Variants in ADAMTSL3 observed in about 807,000 individuals in gnomAD.
ADAMTSL3 encodes ADAMTS like 3.
In ADAMTSL3, 128 loss-of-function variants were observed where a neutral mutation model predicts 201.7. The ratio of observed to expected loss-of-function variants is 0.63; its 90% CI spans 0.55 to 0.73. The LOEUF (loss-of-function observed/expected upper bound fraction) is 0.73. ADAMTSL3 is among the 30% of genes least tolerant of loss of function. The pLI is 0.00. For missense variants in ADAMTSL3, 1,990 were observed against 2,119.6 expected, an observed-to-expected ratio of 0.94 and a Z score of 1.20; for synonymous variants, 738 against 748.4, an observed-to-expected ratio of 0.99 and a Z score of 0.23.
chr15:83,889,362 C>G (rs1457058252), intron 10 of ADAMTSL3, among the ~76,000 whole-genome samples: 1 of 152,090 alleles, frequency 6.6e-6, no homozygotes, highest in African/African-American at 2.4e-5. Context: ...AAATGCGGTA[C>G]TGTGTATGCA....
intron 16 of ADAMTSL3, among the ~76,000 whole-genome samples, chr15:83,922,909 A>G (rs1026030346): frequency 2.1e-4 from 32 of 152,154 alleles, no homozygotes; most frequent in Non-Finnish European, 2.9e-5. Context: ...TAACATAGTC[A>G]GTTGCTATTA....
In ADAMTSL3 at chr15:84,038,753, G is replaced by A. The variant is rs915737141; in HGVS notation, c.*947G>A. ...TTATAGTAAATAATTGTTTTGGGCT[G>A]ATTTTTCAGTAAATCCAAAGTGACT... On this transcript the variant is annotated 3_prime_UTR_variant, in exon 30 of 30. Coordinates refer to ENST00000286744, the MANE Select transcript of ADAMTSL3 (RefSeq NM_207517.3). The A allele has an allele frequency of 7.2e-5, 11 of 152,322 alleles. No homozygotes were observed. The highest frequency in any genetic ancestry group is 1.5e-5 in the Non-Finnish European group (1 of 68,032). The allele number at this position is 152,322 out of a possible 1,614,324, so 9.4% of individuals were successfully genotyped here. A position where few individuals can be genotyped will look rare whatever the true frequency, so the allele number is the denominator to read the frequency against.
At chr15:83,759,211 T>C (rs2141697846) in intron 3 of ADAMTSL3, among the ~76,000 whole-genome samples, 1 of 151,864 alleles carries the variant, frequency 6.6e-6, no homozygotes, top group Admixed American at 6.6e-5. Context: ...TGTTAATACT[T>C]TATCATTTTT....
intron 8 of ADAMTSL3, 60 bp downstream of exon 8, chr15:83,858,900 AAC>A: frequency 1.4e-6 from 2 of 1,382,238 alleles, no homozygotes; most frequent in South Asian, 2.5e-5. Flanking sequence ...AGCCAAAAAA[AAC>A]AAAAAACAAA....
chr15:83,854,155 A>G (rs1357988808), intron 7 of ADAMTSL3, among the ~76,000 whole-genome samples: 1 of 152,124 alleles, frequency 6.6e-6, no homozygotes, highest in Non-Finnish European at 1.5e-5. Flanking sequence ...TTCTCCTTTT[A>G]TAGTTGTTTT....
At chr15:83,852,997 C>T (rs2064652341) in intron 7 of ADAMTSL3, among the ~76,000 whole-genome samples, 1 of 152,112 alleles carries the variant, frequency 6.6e-6, no homozygotes, top group Non-Finnish European at 1.5e-5. Flanking sequence ...GCTGGGATTA[C>T]AGGCACCCAC....
intron 23 of ADAMTSL3, among the ~76,000 whole-genome samples, chr15:83,992,971 C>T (rs1474544025): frequency 6.6e-6 from 1 of 152,202 alleles, no homozygotes; most frequent in Non-Finnish European, 1.5e-5. Flanking sequence ...TCCCATTTGG[C>T]CTTTCTTTAT....
intron 4 of ADAMTSL3, among the ~76,000 whole-genome samples, chr15:83,800,922 A>G (rs1185433057): frequency 6.6e-6 from 1 of 152,210 alleles, no homozygotes; most frequent in Non-Finnish European, 1.5e-5. Context: ...CGTAAAAAGC[A>G]AAATGAAGTA....
chr15:84,020,801 C>G (rs138779416), intron 25 of ADAMTSL3, among the ~76,000 whole-genome samples: 17 of 152,248 alleles, frequency 1.1e-4, no homozygotes, highest in African/African-American at 3.1e-4. Context: ...TGGAGGTGGT[C>G]GGCTTCTACT....
At chr15:83,922,408 T>A (rs1242537925) in intron 16 of ADAMTSL3, among the ~76,000 whole-genome samples, 1 of 152,144 alleles carries the variant, frequency 6.6e-6, no homozygotes, top group Non-Finnish European at 1.5e-5. Flanking sequence ...TCCAAAATAG[T>A]CTCTGTAATA....
chr15:83,707,869 G>C (rs2061875057), intron 3 of ADAMTSL3, among the ~76,000 whole-genome samples: 1 of 152,168 alleles, frequency 6.6e-6, no homozygotes, highest in Admixed American at 6.5e-5. Flanking sequence ...AGCATACTGG[G>C]TGGCATGCAG....
intron 4 of ADAMTSL3, among the ~76,000 whole-genome samples, chr15:83,801,272 A>G (rs2063509666): frequency 6.6e-6 from 1 of 152,150 alleles, no homozygotes; most frequent in Non-Finnish European, 1.5e-5. Context: ...ACTACAAATT[A>G]GGTAACGCTT....
At chr15:83,816,730 G>T (rs2063777686) in intron 5 of ADAMTSL3, among the ~76,000 whole-genome samples, 18 of 152,194 alleles carry the variant, frequency 1.2e-4, no homozygotes, top group Admixed American at 1.2e-3. Context: ...ATCTGGCCTG[G>T]CACGGTGGTT....
intron 7 of ADAMTSL3, among the ~76,000 whole-genome samples, chr15:83,849,779 G>A (rs1383730309): frequency 6.6e-6 from 1 of 152,036 alleles, no homozygotes; most frequent in Non-Finnish European, 1.5e-5. Flanking sequence ...AGAATTTCAA[G>A]CAAAAATACA....
rs1242678957 is a variant in ADAMTSL3, at chr15:83,838,136, C to T, written c.648C>T (p.Asn216=). The T allele has an allele frequency of 8.7e-6, 14 of 1,613,292 alleles. No individual in the cohort carries two copies. Among genetic ancestry groups the T allele is most frequent in the Non-Finnish European group, 1.2e-5 (14 of 1,179,760 alleles). ...RQLGSNAKED[N]CGVCAGDGST... is the part of the protein sequence containing the mutation. ...TGGGAAGCAATGCCAAGGAGGACAACTGTGGAGTCTGTGCCGGCGATGGCT... is the reference window on the plus strand; with the variant it reads ...TGGGAAGCAATGCCAAGGAGGACAATTGTGGAGTCTGTGCCGGCGATGGCT... The change falls in exon 7 of 30, where the codon AAC becomes AAT. Residue 216 remains asparagine (N), a synonymous_variant. Transcript: ENST00000286744.
At chr15:83,962,120 AG>A (rs527743462) in intron 19 of ADAMTSL3, 38 of 152,236 alleles carry the variant, frequency 2.5e-4, no homozygotes, top group African/African-American at 8.2e-4. Context: ...TGGTTTTATA[AG>A]GGGTTTCCCT....
At chr15:83,864,639 A>G (rs1402796317) in intron 8 of ADAMTSL3, among the ~76,000 whole-genome samples, 4 of 152,244 alleles carry the variant, frequency 2.6e-5, no homozygotes, top group Non-Finnish European at 4.4e-5. Context: ...TATCTATGAC[A>G]AACCCACAGC....
At chr15:83,957,846 C>T (rs1191157497) in intron 19 of ADAMTSL3, among the ~76,000 whole-genome samples, 2 of 152,010 alleles carry the variant, frequency 1.3e-5, no homozygotes, top group Non-Finnish European at 2.9e-5. Context: ...GTAGTTGAAA[C>T]CATGGAAGAT....
rs1157771448 is a variant in ADAMTSL3, at chr15:83,982,759, A to G, written c.3131A>G (p.Tyr1044Cys). Reference sequence around the variant, plus strand: ...ATGTGGAATAACAAAAATGACCTTTATCTGGATGATGACCACATTAGTAAC... The same window carrying G: ...ATGTGGAATAACAAAAATGACCTTTGTCTGGATGATGACCACATTAGTAAC... ...RQMWNNKNDL[Y>C]LDDDHISNQP... Residue 1044 changes from tyrosine (Y) to cysteine (C), a missense_variant, in exon 21 of 30, where the codon TAT becomes TGT. Physicochemically the swap from Tyr to Cys is radical, Grantham distance 194. Coordinates refer to ENST00000286744, the MANE Select transcript of ADAMTSL3 (RefSeq NM_207517.3). 1.2e-6 allele frequency: 2 copies of G among 1,614,096 alleles called. No individual in the cohort carries two copies. Among genetic ancestry groups the G allele is most frequent in the South Asian group, 2.2e-5 (2 of 91,078 alleles).
Sources: allele counts gnomAD v4.1 joint callset (sites outside exome capture counted in the v4.1 genomes callset), GRCh38; gene constraint gnomAD v4.1.1; transcripts MANE v1.5; gene names NCBI Gene and HGNC (gene_info 2026-07-23, HGNC 2026-07-21).